The following THBS4 variants were observed in gnomAD, a reference collection of about 807,000 sequenced individuals.
THBS4 encodes thrombospondin-4.
THBS4 carries 90 observed loss-of-function variants against 115.7 expected under a neutral mutation model. The observed-to-expected ratio is 0.78, with a 90% confidence interval of 0.66 to 0.93. THBS4 has a LOEUF of 0.93. Ranked by LOEUF, THBS4 falls within the 40% of genes least tolerant of loss-of-function variation. The probability of loss-of-function intolerance (pLI) is 0.00; values close to 1 mark genes in which losing one functional copy is unlikely to be tolerated. For synonymous variants in THBS4, 460 were observed against 479.3 expected (o/e 0.96, Z 0.53); for missense variants, 1,087 against 1,232.7 (o/e 0.88, Z 1.77).
At chr5:80,032,292 C>A (rs925827671), upstream of THBS4, among the ~76,000 whole-genome samples, 2 of 152,134 alleles carry the variant, frequency 1.3e-5, no homozygotes, top group South Asian at 4.1e-4. Flanking sequence ...AAAAGCAAAA[C>A]CAGATTGTAA....
At chr5:79,995,844 C>G (rs1456496083) in intron 1 of THBS4, among the ~76,000 whole-genome samples, 1 of 152,044 alleles carries the variant, frequency 6.6e-6, no homozygotes, top group African/African-American at 2.4e-5. Context: ...AAAAAGACAG[C>G]TGGGCACAGT....
chr5:80,011,725 G>A (rs2151154720), intron 2 of THBS4, among the ~76,000 whole-genome samples: 1 of 152,194 alleles, frequency 6.6e-6, no homozygotes, highest in South Asian at 2.1e-4. Flanking sequence ...GCAGGAAGGG[G>A]CTCCTGAGGA....
chr5:80,023,678 G>A (rs140603511), intron 2 of THBS4, among the ~76,000 whole-genome samples: 168 of 152,300 alleles, frequency 1.1e-3, no homozygotes, highest in African/African-American at 3.9e-3. Flanking sequence ...GAAAGAGAGA[G>A]AGGTCTATTT....
At chr5:80,056,186 TA>T (rs759539340) in intron 3 of THBS4, among the ~76,000 whole-genome samples, 154 bp downstream of exon 3, 16 of 152,328 alleles carry the variant, frequency 1.1e-4, no homozygotes, top group East Asian at 1.9e-4. Flanking sequence ...AAGCAAGTGA[TA>T]GGGGGCTGCC....
intron 2 of THBS4, among the ~76,000 whole-genome samples, chr5:80,029,004 G>T (rs991059903): frequency 2.0e-5 from 3 of 152,034 alleles, no homozygotes; most frequent in Non-Finnish European, 2.9e-5. Context: ...AAAATCCCTC[G>T]ATGTGACAGT....
intron 15 of THBS4, 130 bp from the exon 16 acceptor site, chr5:80,076,725 C>A: frequency 1.1e-6 from 1 of 889,010 alleles, no homozygotes. Flanking sequence ...GGAATGACCC[C>A]AGTGGGTTTG....
chr5:79,994,403 C>A (rs1331688678), intron 1 of THBS4, among the ~76,000 whole-genome samples: 1 of 152,134 alleles, frequency 6.6e-6, no homozygotes, highest in African/African-American at 2.4e-5. Context: ...CCCAGTTTCA[C>A]CCAAAGTGGA....
chr5:80,058,341 C>A, intron 4 of THBS4, 27 bp downstream of exon 4: 4 of 1,499,784 alleles, frequency 2.7e-6, no homozygotes, highest in Non-Finnish European at 3.6e-6. Context: ...AGTTTGCATG[C>A]CTTCATCAAC....
chr5:80,047,525 G>A (rs534998202), intron 2 of THBS4, among the ~76,000 whole-genome samples: 1 of 152,214 alleles, frequency 6.6e-6, no homozygotes, highest in Non-Finnish European at 1.5e-5. Context: ...TTTGAAAAAA[G>A]GGCTAGGTGC....
chr5:80,041,966 T>C (rs1453089340), intron 2 of THBS4, among the ~76,000 whole-genome samples: 1 of 152,242 alleles, frequency 6.6e-6, no homozygotes, highest in Non-Finnish European at 1.5e-5. Context: ...TTAACTTTCA[T>C]AGGACTCTAA....
chr5:80,045,616 C>T (rs1349890193), intron 2 of THBS4, among the ~76,000 whole-genome samples: 1 of 151,226 alleles, frequency 6.6e-6, no homozygotes, highest in African/African-American at 2.4e-5. Flanking sequence ...CTGCAACCTC[C>T]GCCTCCCGGG....
At chr5:80,043,758 A>C (rs1384326418) in intron 2 of THBS4, among the ~76,000 whole-genome samples, 1 of 152,182 alleles carries the variant, frequency 6.6e-6, no homozygotes, top group Non-Finnish European at 1.5e-5. Context: ...TCTCCAAGTC[A>C]GCCTACCCCA....
chr5:80,041,287 G>A (rs1317915973), intron 2 of THBS4, among the ~76,000 whole-genome samples: 2 of 152,074 alleles, frequency 1.3e-5, no homozygotes, highest in Non-Finnish European at 2.9e-5. Context: ...CCCATCATGA[G>A]GGCCACACCC....
intron 13 of THBS4, 144 bp from the exon 14 acceptor site, chr5:80,072,134 C>G: frequency 2.8e-6 from 2 of 706,882 alleles, no homozygotes; most frequent in Non-Finnish European, 5.1e-6. Context: ...TCCTTTGAAG[C>G]TACCTCTGGA....
chr5:80,046,933 C>T (rs2112054661), intron 2 of THBS4, among the ~76,000 whole-genome samples: 1 of 152,230 alleles, frequency 6.6e-6, no homozygotes, highest in East Asian at 1.9e-4. Flanking sequence ...TTACAAAGTC[C>T]TACCAGATAA....
At chr5:80,022,418 A>G (rs1445468781) in intron 2 of THBS4, among the ~76,000 whole-genome samples, 1 of 152,238 alleles carries the variant, frequency 6.6e-6, no homozygotes, top group African/African-American at 2.4e-5. Flanking sequence ...CAATTCTTGC[A>G]GAGATTCAAA....
intron 2 of THBS4, among the ~76,000 whole-genome samples, chr5:80,018,389 CT>C (rs35373315): frequency 0.2 from 19,824 of 99,792 alleles, 779 homozygotes; most frequent in Non-Finnish European, 0.24. Context: ...TTCAAATATA[CT>C]TTTTTTTTTT....
At chr5:79,991,428 C>G (rs1040149691) in intron 1 of THBS4, 7 of 513,586 alleles carry the variant, frequency 1.4e-5, no homozygotes, top group Non-Finnish European at 2.4e-5. Flanking sequence ...AGTTGTGTGC[C>G]TTAAGTCAGA....
Position 80,035,571 on chromosome 5 carries a change from C to T in THBS4, c.34C>T (p.Leu12=). 1 of 1,437,912 alleles carries T rather than the reference C, an allele frequency of 7.0e-7. No individual in the cohort carries two copies. Among genetic ancestry groups the T allele is most frequent in the Non-Finnish European group, 9.1e-7 (1 of 1,095,560 alleles). The allele number at this position is 1,437,912 out of a possible 1,614,324, so 89.1% of individuals were successfully genotyped here. A position where few individuals can be genotyped will look rare whatever the true frequency, so the allele number is the denominator to read the frequency against. Residue 12 remains leucine, a synonymous_variant, in exon 1 of 22, where the codon CTG becomes TTG. Transcript: ENST00000350881. This position sits in a 1 kb window ranked among gnomAD's most constrained non-coding sequence, Gnocchi z 4.6. ...CCCGCGCGGAGCCGCCGTCCTCCTGCTGCACCTGGTCCTGCAGCGGTGGCT... is the reference window on the plus strand; with the variant it reads ...CCCGCGCGGAGCCGCCGTCCTCCTGTTGCACCTGGTCCTGCAGCGGTGGCT... The part of the protein sequence containing the change: ...LAPRGAAVLL[L]HLVLQRWLAA...
Sources: allele counts gnomAD v4.1 joint callset (sites outside exome capture counted in the v4.1 genomes callset), GRCh38; gene constraint gnomAD v4.1.1; non-coding constraint Gnocchi (gnomAD v3.1); transcripts MANE v1.5; gene names NCBI Gene and HGNC (gene_info 2026-07-23, HGNC 2026-07-21).